Variants in TOX observed in about 807,000 individuals in gnomAD.
TOX encodes the protein thymocyte selection-associated high mobility group box protein TOX.
TOX carries 11 observed loss-of-function variants against 53.7 expected under a neutral mutation model. That is an observed-to-expected ratio of 0.20 (90% confidence interval 0.13 to 0.34). The LOEUF (loss-of-function observed/expected upper bound fraction) is 0.34, where lower values mean the gene tolerates loss of function less well. TOX is among the 10% of genes least tolerant of loss of function. The pLI, the probability that TOX is intolerant of heterozygous loss-of-function variation, is 1.00. For missense variants in TOX, 570 were observed against 664.6 expected, an observed-to-expected ratio of 0.86 and a Z score of 1.56; for synonymous variants, 225 against 245.3, an observed-to-expected ratio of 0.92 and a Z score of 0.77.
intron 1 of TOX, among the ~76,000 whole-genome samples, chr8:59,048,471 C>A (rs1803728464): frequency 6.6e-6 from 1 of 152,126 alleles, no homozygotes; most frequent in Non-Finnish European, 1.5e-5. Context: ...AGAAAACTCA[C>A]CCAAAAAGCA....
intron 1 of TOX, among the ~76,000 whole-genome samples, chr8:58,993,845 G>T (rs919993678): frequency 2.0e-5 from 3 of 150,802 alleles, no homozygotes; most frequent in African/African-American, 4.9e-5. Flanking sequence ...TTCCTAAGGG[G>T]ACCTAAGGGG....
intron 1 of TOX, among the ~76,000 whole-genome samples, chr8:58,967,035 C>T (rs573548673): frequency 2.0e-5 from 3 of 152,064 alleles, no homozygotes; most frequent in South Asian, 2.1e-4. Context: ...CCACCACGCC[C>T]GGCTAATTTT....
intron 1 of TOX, among the ~76,000 whole-genome samples, chr8:58,999,994 C>T (rs1007978502): frequency 3.3e-5 from 5 of 152,014 alleles, no homozygotes; most frequent in Admixed American, 1.3e-4. Context: ...GAAATCAAGA[C>T]GGGAGGACCA....
At position 58,914,838 on chromosome 8, in the gene TOX, T is replaced by G. The variant is rs372954534; in HGVS notation, c.411+24464A>C. ...GCCAGACAGTGGGCGCAGGCCAGTG[T>G]GTGCGCGCACCGTGCGCGAGCCGAA... On this transcript the variant is annotated intron_variant, in intron 3 of 8. Transcript: ENST00000361421. Among the ~76,000 whole-genome samples, 206 of 151,610 alleles carry G rather than the reference T, an allele frequency of 1.4e-3. 1 individual carries two copies. The highest frequency in any genetic ancestry group is 4.5e-3 in the African/African-American group (184 of 41,280).
At chr8:58,859,976 C>T (rs576395915) in intron 3 of TOX, among the ~76,000 whole-genome samples, 1 of 152,308 alleles carries the variant, frequency 6.6e-6, no homozygotes, top group African/African-American at 2.4e-5. Flanking sequence ...TGCCTGGCCT[C>T]CTCTGCAGAA....
chr8:58,980,195 G>C (rs1813176203), intron 1 of TOX, among the ~76,000 whole-genome samples: 1 of 152,168 alleles, frequency 6.6e-6, no homozygotes, highest in African/African-American at 2.4e-5. Flanking sequence ...TGTAAAGCCT[G>C]AGAACAAGAA....
At chr8:59,086,372 C>A (rs187479274) in intron 1 of TOX, among the ~76,000 whole-genome samples, 1 of 152,096 alleles carries the variant, frequency 6.6e-6, no homozygotes, top group Non-Finnish European at 1.5e-5. Flanking sequence ...AACTCCATAC[C>A]CATTTTTACC....
At chr8:58,906,802 T>C (rs1156870997) in intron 3 of TOX, among the ~76,000 whole-genome samples, 1 of 152,216 alleles carries the variant, frequency 6.6e-6, no homozygotes, top group East Asian at 1.9e-4. Flanking sequence ...CTTGTTTGCT[T>C]TCTTTCCTTC....
At chr8:58,821,689 C>G (rs1388252094) in intron 6 of TOX, among the ~76,000 whole-genome samples, 6 of 152,136 alleles carry the variant, frequency 3.9e-5, no homozygotes, top group African/African-American at 1.4e-4. Flanking sequence ...TAAGTGGAAT[C>G]ATGCAGTACA....
intron 3 of TOX, among the ~76,000 whole-genome samples, chr8:58,901,170 A>T (rs890944190): frequency 6.6e-6 from 1 of 152,194 alleles, no homozygotes. Context: ...TTAGTACAAC[A>T]CATTAAAATC....
chr8:59,049,317 T>C (rs1803746325), intron 1 of TOX, among the ~76,000 whole-genome samples: 1 of 152,158 alleles, frequency 6.6e-6, no homozygotes, highest in South Asian at 2.1e-4. Context: ...AAGTGGCTGA[T>C]CAATAAACTC....
At chr8:59,016,557 G>C (rs767410558) in intron 1 of TOX, among the ~76,000 whole-genome samples, 2 of 152,166 alleles carry the variant, frequency 1.3e-5, no homozygotes, top group Non-Finnish European at 2.9e-5. Flanking sequence ...AGATGCAGCA[G>C]TATATTCAAA....
intron 1 of TOX, among the ~76,000 whole-genome samples, chr8:58,964,212 T>C (rs973605197): frequency 6.6e-6 from 1 of 152,228 alleles, no homozygotes; most frequent in Non-Finnish European, 1.5e-5. Context: ...ATAAAACATA[T>C]AGACTGGTCA....
rs1810000015 is a variant in TOX at position 58,807,525 on chromosome 8, C to A, written c.*222G>T. On this transcript the variant is annotated 3_prime_UTR_variant, in exon 9 of 9. Coordinates refer to ENST00000361421, the MANE Select transcript of TOX (RefSeq NM_014729.3). ...CATAAAATCTGAATGGTCCAAATTTCCTTCAGGGAAGAAGAAAAACAATGT... is the reference window on the plus strand; with the variant it reads ...CATAAAATCTGAATGGTCCAAATTTACTTCAGGGAAGAAGAAAAACAATGT... 4.1e-6 allele frequency: 2 copies of A among 490,712 alleles called. No individual in the cohort carries two copies. The highest frequency in any genetic ancestry group is 7.4e-5 in the South Asian group (2 of 27,024). The allele number at this position is 490,712 out of a possible 1,614,324, so 30.4% of individuals were successfully genotyped here. A position where few individuals can be genotyped will look rare whatever the true frequency, so the allele number is the denominator to read the frequency against.
chr8:59,105,886 T>C (rs998185526), intron 1 of TOX, among the ~76,000 whole-genome samples: 7 of 152,300 alleles, frequency 4.6e-5, no homozygotes, highest in African/African-American at 1.7e-4. Flanking sequence ...AAGTTCTTGA[T>C]TAGTCTGGGG....
intron 1 of TOX, among the ~76,000 whole-genome samples, chr8:59,077,400 C>T (rs899521816): frequency 2.0e-5 from 3 of 152,130 alleles, no homozygotes; most frequent in Non-Finnish European, 4.4e-5. Flanking sequence ...AGAGTGTCTT[C>T]TTAGGTTAGT....
intron 1 of TOX, among the ~76,000 whole-genome samples, chr8:59,079,316 G>T (rs1391435998): frequency 6.6e-6 from 1 of 152,160 alleles, no homozygotes; most frequent in African/African-American, 2.4e-5. Context: ...CCAAGACAAT[G>T]GGAAAAAGGC....
At chr8:58,971,035 T>C (rs1812993032) in intron 1 of TOX, among the ~76,000 whole-genome samples, 1 of 152,212 alleles carries the variant, frequency 6.6e-6, no homozygotes, top group South Asian at 2.1e-4. Context: ...AGTAGTTCAT[T>C]TTTTCAGAGT....
chr8:59,060,818 G>C (rs1176363518), intron 1 of TOX, among the ~76,000 whole-genome samples: 1 of 152,118 alleles, frequency 6.6e-6, no homozygotes, highest in Admixed American at 6.6e-5. Flanking sequence ...GGAAACCAGG[G>C]CTGACAGAGA....
Sources: allele counts gnomAD v4.1 joint callset (sites outside exome capture counted in the v4.1 genomes callset), GRCh38; gene constraint gnomAD v4.1.1; transcripts MANE v1.5; gene names NCBI Gene and HGNC (gene_info 2026-07-23, HGNC 2026-07-21).